HNRNPU: variants seen among roughly 807,000 people sequenced by gnomAD.
HNRNPU encodes HNRNPU antisense RNA 1.
A neutral mutation model predicts 94.7 loss-of-function variants in HNRNPU; 5 were observed. The ratio of observed to expected loss-of-function variants is 0.05; its 90% CI spans 0.03 to 0.11. The LOEUF (loss-of-function observed/expected upper bound fraction) is 0.11. Ranked by LOEUF, HNRNPU falls within the 10% of genes least tolerant of loss-of-function variation. The pLI is 1.00. For missense variants in HNRNPU, 710 were observed against 1,049.2 expected (o/e 0.68, Z 4.47); for synonymous variants, 434 against 381.6 (o/e 1.14, Z -1.60).
intron 12 of HNRNPU, 155 bp from the exon 13 acceptor site, chr1:244,855,199 T>C (rs936498291): frequency 2.8e-6 from 2 of 723,104 alleles, no homozygotes; most frequent in African/African-American, 1.8e-5. Flanking sequence ...TGGTTTCTTA[T>C]GTTTTAATTT....
At chr1:244,863,332 C>T (rs1375619235) in intron 1 of HNRNPU, among the ~76,000 whole-genome samples, 84 of 150,808 alleles carry the variant, frequency 5.6e-4, no homozygotes, top group Middle Eastern at 6.9e-3. Flanking sequence ...GCTCCTCCCC[C>T]TACAGCGGCA....
chr1:244,858,620 T>TG, intron 6 of HNRNPU, 109 bp downstream of exon 6: 1 of 678,362 alleles, frequency 1.5e-6, no homozygotes. Context: ...CAGGGACTGG[T>TG]GTATTTTGTT....
rs965865874 is a variant in HNRNPU at position 244,852,616 on chromosome 1, A to C, written c.*1834T>G. On this transcript the variant is annotated 3_prime_UTR_variant, in exon 14 of 14. Transcript: ENST00000640218. The stretch of plus-strand genomic sequence containing the variant: ...GATAAAAATCCATGACACTATCTTC[A>C]ACTGTTAAATATCTTATGTTAACTA... 1 of 152,212 alleles carries C rather than the reference A, an allele frequency of 6.6e-6. No homozygotes were observed. Among genetic ancestry groups the C allele is most frequent in the African/African-American group, 2.4e-5 (1 of 41,462 alleles). 9.4% of individuals were successfully genotyped at this position (152,212 alleles called of 1,614,324 possible). A position where few individuals can be genotyped will look rare whatever the true frequency, so the allele number is the denominator to read the frequency against.
rs56937404 is a variant in HNRNPU at position 244,862,395 on chromosome 1, T to TAAAAAA, written c.877+60_877+65dup. On this transcript the variant is annotated intron_variant, in intron 3 of 13. Transcript: ENST00000640218. Reference sequence around the variant, plus strand: ...TGCTGCACTTAAGCATTAAGACTTCTAAAAAAAAAAAAAAAAAAACCACCA... The same window carrying TAAAAAA: ...TGCTGCACTTAAGCATTAAGACTTCTAAAAAAAAAAAAAAAAAAAAAAAAACCACCA... The TAAAAAA allele has an allele frequency of 3.9e-3, 3,149 of 797,950 alleles. 76 individuals carry two copies. The African/African-American group carries it at 0.043, about 11-fold the overall frequency. The allele number at this position is 797,950 out of a possible 1,614,324, so 49.4% of individuals were successfully genotyped here.
intron 11 of HNRNPU, 145 bp from the exon 12 acceptor site, chr1:244,855,753 C>T (rs1213510749): frequency 1.8e-5 from 23 of 1,246,026 alleles, no homozygotes; most frequent in Non-Finnish European, 2.6e-5. Flanking sequence ...ATTAACATAA[C>T]CTAGGTGTAT....
Position 244,851,025 on chromosome 1 carries a change from TCTCAAA to T in HNRNPU, c.*3419_*3424del, listed in dbSNP as rs1455261560. The T allele has an allele frequency of 3.3e-5, 5 of 152,016 alleles. No individual in the cohort carries two copies. Among genetic ancestry groups the T allele is most frequent in the Non-Finnish European group, 7.4e-5 (5 of 68,002 alleles). 9.4% of individuals were successfully genotyped at this position (152,016 alleles called of 1,614,324 possible). ...GGTCTCACTATGTTGCCCAGGATGG[TCTCAAA>T]CTCCTGAGCTCAAGTGATCCTCCCG... is the stretch of plus-strand genomic sequence containing the variant. On this transcript the variant is annotated 3_prime_UTR_variant, in exon 14 of 14. Transcript: ENST00000640218.
At position 244,864,018 on chromosome 1, in the gene HNRNPU, G is replaced by A. The variant is rs1479183749; in HGVS notation, c.290C>T (p.Ser97Phe). ...CTCCATCTGGTCGCCGTCCAGAGCG[G>A]AGATTCCTTCCTCCTCCTCTTCCTC... ...EEEEEEEEGI[S>F]ALDGDQMELG... Residue 97 changes from serine (S) to phenylalanine (F), a missense_variant, in exon 1 of 14, where the codon TCC becomes TTC. Around this residue, in one of 8 missense-constraint regions of HNRNPU, gnomAD observed 292 missense variants for 293.4 expected, o/e 1.00. Coordinates refer to ENST00000640218, the MANE Select transcript of HNRNPU (RefSeq NM_031844.3). 2 of 1,613,072 alleles carry A rather than the reference G, an allele frequency of 1.2e-6. No homozygotes were observed. The highest frequency in any genetic ancestry group is 1.7e-6 in the Non-Finnish European group (2 of 1,179,684).
chr1:244,855,704 A>G, intron 11 of HNRNPU, 96 bp from the exon 12 acceptor site: 4 of 1,397,842 alleles, frequency 2.9e-6, no homozygotes, highest in South Asian at 1.3e-5. Flanking sequence ...TTCTCCAAAA[A>G]TAATTGTTTA....
rs765604666 is a variant in HNRNPU at position 244,857,992 on chromosome 1, A to T, written c.1494+19T>A. ...AGCAATATTCAAATGCCACAGTTAA[A>T]AAAAAAAAAATCCCTTACTTCACAA... On this transcript the variant is annotated intron_variant, in intron 7 of 13. Transcript: ENST00000640218. The T allele has an allele frequency of 1.9e-6, 3 of 1,552,254 alleles. No individual in the cohort carries two copies. Among genetic ancestry groups the T allele is most frequent in the Non-Finnish European group, 2.6e-6 (3 of 1,149,708 alleles).
At position 244,864,488 on chromosome 1, in the gene HNRNPU, A is replaced by AG; in HGVS notation, c.-182dup. The AG allele has an allele frequency of 9.4e-7, 1 of 1,061,612 alleles. No homozygotes were observed. Among genetic ancestry groups the AG allele is most frequent in the Non-Finnish European group, 1.3e-6 (1 of 765,644 alleles). 65.8% of individuals were successfully genotyped at this position (1,061,612 alleles called of 1,614,324 possible). ...CGAACGGCGCCAATTCCTTTCACCG[A>AG]GTTCGCGAGGGAGACGCGGAGACTC... On this transcript the variant is annotated 5_prime_UTR_variant, in exon 1 of 14. Transcript: ENST00000640218.
chr1:244,854,892 A>C (rs1469836892), intron 13 of HNRNPU, 81 bp downstream of exon 13: 9 of 1,136,418 alleles, frequency 7.9e-6, no homozygotes, highest in Non-Finnish European at 1.2e-5. Context: ...CAATCCCTGA[A>C]CAAGATCTTT....
chr1:244,855,637 T>C, intron 11 of HNRNPU, 29 bp from the exon 12 acceptor site: 3 of 1,608,216 alleles, frequency 1.9e-6, no homozygotes, highest in South Asian at 2.2e-5. Flanking sequence ...TTTAGTTTCA[T>C]TGTATATTGT....
In HNRNPU at chr1:244,860,634, C is replaced by T. The variant is rs544389287; in HGVS notation, c.878-160G>A. ...TTCCAATTTTCAGTTTAAAGCCCCA[C>T]TCCCACCAAGTCACTCCTGTTAAAT... On this transcript the variant is annotated intron_variant, in intron 3 of 13. Coordinates refer to ENST00000640218, the MANE Select transcript of HNRNPU (RefSeq NM_031844.3). The T allele has an allele frequency of 6.5e-6, 4 of 617,560 alleles. No homozygotes were observed. The East Asian group carries it at 8.5e-5, about 13-fold the overall frequency. 38.3% of individuals were successfully genotyped at this position (617,560 alleles called of 1,614,324 possible). A position where few individuals can be genotyped will look rare whatever the true frequency, so the allele number is the denominator to read the frequency against.
chr1:244,863,658 T>C lies in HNRNPU; in HGVS notation c.650A>G (p.Glu217Gly). Reference protein sequence around the residue: ...QQQAGGKKKAEGGGGGGRPGA... With the variant: ...QQQAGGKKKAGGGGGGGRPGA... ...GGGGCGACCGCCGCCTCCGCCGCCT[T>C]CCGCCTTCTTCTTACCTCCCGCCTG... The change falls in exon 1 of 14, where the codon GAA becomes GGA. Residue 217 changes from glutamate to glycine, a missense_variant. This residue lies in a region of HNRNPU where 292 missense variants were observed against 293.4 expected (regional missense o/e 1.00). Transcript: ENST00000640218. The C allele has an allele frequency of 1.3e-6, 2 of 1,556,782 alleles. No individual in the cohort carries two copies. Among genetic ancestry groups the C allele is most frequent in the Non-Finnish European group, 1.7e-6 (2 of 1,163,242 alleles).
chr1:244,861,347 T>C (rs780544509), intron 3 of HNRNPU: 2 of 152,270 alleles, frequency 1.3e-5, no homozygotes, highest in Admixed American at 6.5e-5. Flanking sequence ...TGCTAAAAAA[T>C]CTAACAATTA....
At chr1:244,854,777 A>T in intron 13 of HNRNPU, 196 bp downstream of exon 13, 1 of 506,646 alleles carries the variant, frequency 2.0e-6, no homozygotes, top group Non-Finnish European at 3.4e-6. Context: ...TATTAAAAAA[A>T]TTTAACTTAT....
rs1003126675 is a variant in HNRNPU at position 244,853,368 on chromosome 1, C to T, written c.*1082G>A. 19 of 152,464 alleles carry T rather than the reference C, an allele frequency of 1.2e-4. No individual in the cohort carries two copies. Among genetic ancestry groups the T allele is most frequent in the African/African-American group, 3.9e-4 (16 of 41,406 alleles). 9.4% of individuals were successfully genotyped at this position (152,464 alleles called of 1,614,324 possible). A position where few individuals can be genotyped will look rare whatever the true frequency, so the allele number is the denominator to read the frequency against. On this transcript the variant is annotated 3_prime_UTR_variant, in exon 14 of 14. Transcript: ENST00000640218. ...ATAAAGGGATTTTGAACCTTGATGG[C>T]GAGAATCCCAAAACAAGAGTAAAAT...
chr1:244,861,747 A>C (rs1175476419), intron 3 of HNRNPU: 16 of 151,260 alleles, frequency 1.1e-4, no homozygotes, highest in Admixed American at 8.6e-4. Flanking sequence ...TGTAACAAAA[A>C]AAAAAAAAAA....
rs369175349 is a variant in HNRNPU, at chr1:244,862,513, A to C, written c.825T>G (p.Pro275=). Residue 275 remains proline (P), a synonymous_variant, in exon 3 of 14, where the codon CCT becomes CCG. Transcript: ENST00000640218. ...CGAAGTGTTCATCTTCTTCTTCAAC[A>C]GGTGGCTGAGGAGATTTGGCTCTGA... The part of the protein sequence containing the change: ...KYSRAKSPQP[P]VEEEDEHFDD... 6.2e-7 allele frequency: 1 copy of C among 1,614,078 alleles called. No homozygotes were observed. Among genetic ancestry groups the C allele is most frequent in the Non-Finnish European group, 8.5e-7 (1 of 1,179,918 alleles).
Sources: gnomAD v4.1 joint callset for allele counts (sites outside exome capture counted in the v4.1 genomes callset) on GRCh38, gnomAD v4.1.1 for gene constraint, gnomAD v4.1.1 regional missense constraint, MANE v1.5 for transcripts, NCBI Gene and HGNC (gene_info 2026-07-23, HGNC 2026-07-21) for gene names.